Variants in RPS10 observed in about 807,000 individuals in gnomAD.
RPS10 encodes the protein ribosomal protein S10.
In RPS10, 2 loss-of-function variants were observed where a neutral mutation model predicts 22.6. The ratio of observed to expected loss-of-function variants is 0.09; its 90% CI spans 0.04 to 0.28. The LOEUF (loss-of-function observed/expected upper bound fraction) is 0.28. Among genes scored for constraint, RPS10 ranks in the 10% least tolerant of loss-of-function variants. RPS10 has a pLI of 1.00. For missense variants in RPS10, 137 were observed against 222.2 expected (o/e 0.62, Z 2.44); for synonymous variants, 70 against 75.9 (o/e 0.92, Z 0.40).
At chr6:34,417,763 G>A in intron 5 of RPS10, 1 of 718,976 alleles carries the variant, frequency 1.4e-6, no homozygotes, top group Non-Finnish European at 2.6e-6. Context: ...TAAAGTGGGA[G>A]TATGGCCACC....
intron 4 of RPS10, among the ~76,000 whole-genome samples, chr6:34,420,120 T>C (rs984900913): frequency 1.3e-5 from 2 of 152,214 alleles, no homozygotes; most frequent in Non-Finnish European, 2.9e-5. Context: ...CTTTTTCAAG[T>C]GTGGCTACGA....
In RPS10 at chr6:34,425,215, T is replaced by C; in HGVS notation, c.7A>G (p.Met3Val). ML[M>V]PKKNRIAIYE... ...ATGGCAATCCGGTTCTTCTTAGGCATCAACATCTGCAAGAAGGAGACGATT... is the reference window on the plus strand; with the variant it reads ...ATGGCAATCCGGTTCTTCTTAGGCACCAACATCTGCAAGAAGGAGACGATT... The change falls in exon 2 of 6, where the codon ATG (methionine) becomes GTG (valine). Residue 3 changes from methionine to valine, a missense_variant. Transcript: ENST00000648437. The C allele has an allele frequency of 6.2e-7, 1 of 1,609,584 alleles. No homozygotes were observed. The highest frequency in any genetic ancestry group is 8.5e-7 in the Non-Finnish European group (1 of 1,178,098).
intron 4 of RPS10, among the ~76,000 whole-genome samples, chr6:34,418,938 G>A (rs1459708454): frequency 2.0e-5 from 3 of 152,024 alleles, no homozygotes; most frequent in East Asian, 3.9e-4. Context: ...GCAGTGGTAC[G>A]ATCTCAGCTC....
At chr6:34,417,735 G>A in intron 5 of RPS10, 188 bp from the exon 6 acceptor site, 1 of 725,900 alleles carries the variant, frequency 1.4e-6, no homozygotes, top group Non-Finnish European at 2.5e-6. Flanking sequence ...CTAACATCTA[G>A]GCCCATTTCT....
chr6:34,418,199 G>A (rs1322359940), intron 5 of RPS10, 170 bp downstream of exon 5: 29 of 1,516,230 alleles, frequency 1.9e-5, no homozygotes, highest in Non-Finnish European at 2.5e-5. Context: ...ATTTACAAAA[G>A]TTTGCATGCT....
intron 1 of RPS10, chr6:34,425,440 T>G (rs988735090): frequency 7.0e-6 from 4 of 572,910 alleles, no homozygotes; most frequent in Admixed American, 2.7e-5. Flanking sequence ...AAAACCAGGA[T>G]AGTGGTGCAC....
Position 34,417,513 on chromosome 6 carries a change from G to A in RPS10, c.491C>T (p.Pro164Leu). Residue 164 changes from proline to leucine, a missense_variant, in exon 6 of 6, where the codon CCT (proline) becomes CTT (leucine). Pro to Leu is a moderately conservative substitution (Grantham distance 98). Coordinates refer to ENST00000648437, the MANE Select transcript of RPS10 (RefSeq NM_001014.5). ...AAAGAATCCTCTCCAATTTTACTGAGGTGGCTGACCACGTCCACGACCAAA... is the reference window on the plus strand; with the variant it reads ...AAAGAATCCTCTCCAATTTTACTGAAGTGGCTGACCACGTCCACGACCAAA... ...GGFGRGRGQP[P>L]Q 6.2e-7 allele frequency: 1 copy of A among 1,612,416 alleles called. No homozygotes were observed. Among genetic ancestry groups the A allele is most frequent in the Non-Finnish European group, 8.5e-7 (1 of 1,179,732 alleles).
chr6:34,421,741 C>T lies in RPS10; in HGVS notation c.389G>A (p.Ser130Asn). Residue 130 changes from serine to asparagine, a missense_variant, in exon 4 of 6, where the codon AGT (serine) becomes AAT (asparagine). Coordinates refer to ENST00000648437, the MANE Select transcript of RPS10 (RefSeq NM_001014.5). ...ATGCATTTACTCACGTGGCACAGCA[C>T]TCCGTCTGTAGGTATCTCTGTCAGC... ...GEADRDTYRR[S>N]AVPPGADKKA... 32 of 1,613,924 alleles carry T rather than the reference C, an allele frequency of 2.0e-5. No individual in the cohort carries two copies. The highest frequency in any genetic ancestry group is 2.7e-5 in the Non-Finnish European group (32 of 1,179,876).
rs541694197 is a variant in RPS10, at chr6:34,421,448, C to A, written c.400+282G>T. ...ATCTGCCCACTTCGACCCCCCCCCT[C>A]CAACCAAAGTGCTGGGATTACAGAC... is the stretch of plus-strand genomic sequence containing the variant. On this transcript the variant is annotated intron_variant, in intron 4 of 5. Coordinates refer to ENST00000648437, the MANE Select transcript of RPS10 (RefSeq NM_001014.5). 7.4e-3 allele frequency among the ~76,000 whole-genome samples: 1,126 copies of A among 151,554 alleles called. 15 individuals are homozygous for A. The highest frequency in any genetic ancestry group is 0.024 in the Middle Eastern group (7 of 294).
intron 1 of RPS10, 34 bp downstream of exon 1, chr6:34,425,998 G>A (rs565655165): frequency 6.6e-6 from 1 of 152,642 alleles, no homozygotes; most frequent in African/African-American, 2.4e-5. Context: ...GCCCGGATGG[G>A]AGCCGATGGA....
intron 3 of RPS10, among the ~76,000 whole-genome samples, chr6:34,422,070 A>G (rs1209698689): frequency 6.6e-6 from 1 of 152,136 alleles, no homozygotes; most frequent in Non-Finnish European, 1.5e-5. Context: ...CTATTTTCCA[A>G]TTATTGGACC....
chr6:34,425,099 G>C lies in RPS10; in HGVS notation c.123C>G (p.Pro41=). The change falls in exon 2 of 6, where the codon CCC becomes CCG. Residue 41 remains proline, a synonymous_variant. Transcript: ENST00000648437. ...KHPELADKNV[P]NLHVMKAMQS... The stretch of plus-strand genomic sequence containing the variant: ...GCATGGCCTTCATGACATGAAGGTT[G>C]GGCACATTCTTGTCTGCCAGCTCCG... The C allele has an allele frequency of 1.2e-6, 2 of 1,612,688 alleles. No individual in the cohort carries two copies. Among genetic ancestry groups the C allele is most frequent in the East Asian group, 4.5e-5 (2 of 44,864 alleles).
chr6:34,424,566 A>G, intron 3 of RPS10, 103 bp downstream of exon 3: 1 of 1,491,188 alleles, frequency 6.7e-7, no homozygotes, highest in Non-Finnish European at 9.2e-7. Flanking sequence ...AAATGCCTGC[A>G]GGCCAGAGCC....
intron 3 of RPS10, 126 bp from the exon 4 acceptor site, chr6:34,421,933 G>A (rs1319555089): frequency 1.1e-6 from 1 of 924,614 alleles, no homozygotes; most frequent in East Asian, 2.4e-5. Flanking sequence ...TGGGTTAATG[G>A]GGACAGGAAC....
intron 3 of RPS10, among the ~76,000 whole-genome samples, chr6:34,422,790 TATC>T (rs1326250728): frequency 2.0e-5 from 3 of 150,818 alleles, no homozygotes; most frequent in South Asian, 4.3e-4. Context: ...TTAAAAAAAT[TATC>T]ATAAATGGCC....
chr6:34,423,433 G>T (rs947734375), intron 3 of RPS10, among the ~76,000 whole-genome samples: 12 of 152,152 alleles, frequency 7.9e-5, no homozygotes, highest in Admixed American at 7.2e-4. Flanking sequence ...CACTCAGGCA[G>T]AATGAACTCC....
rs545213072 is a variant in RPS10 at position 34,425,611 on chromosome 6, G to A, written c.1-390C>T. On this transcript the variant is annotated intron_variant, in intron 1 of 5. Transcript: ENST00000648437. ...AAGGTACGCAGGGAAGGCCCGGAGG[G>A]GTAAAGCCCCGGCTTCTTGAAGGCG... The A allele has an allele frequency of 9.0e-4, 255 of 283,822 alleles. 1 individual carries two copies. The highest frequency in any genetic ancestry group is 3.6e-3 in the South Asian group (108 of 30,068). The allele number at this position is 283,822 out of a possible 1,614,324, so 17.6% of individuals were successfully genotyped here.
chr6:34,425,467 C>T, intron 1 of RPS10: 3 of 492,984 alleles, frequency 6.1e-6, no homozygotes, highest in South Asian at 4.0e-5. Context: ...GCCAAACTTC[C>T]TTAAGTTCTC....
At chr6:34,424,092 G>C (rs201152255) in intron 3 of RPS10, among the ~76,000 whole-genome samples, 2 of 127,892 alleles carry the variant, frequency 1.6e-5, no homozygotes, top group East Asian at 2.5e-4. Flanking sequence ...GGCCAAGCAC[G>C]GTGGCTTACC....
Sources: allele counts gnomAD v4.1 joint callset (sites outside exome capture counted in the v4.1 genomes callset), GRCh38; gene constraint gnomAD v4.1.1; transcripts MANE v1.5; gene names NCBI Gene and HGNC (gene_info 2026-07-23, HGNC 2026-07-21).